PSMB5: variants seen among roughly 807,000 people sequenced by gnomAD.
The protein encoded by PSMB5 is proteasome subunit beta type-5.
PSMB5 carries 2 observed loss-of-function variants against 22.8 expected under a neutral mutation model. The ratio of observed to expected loss-of-function variants is 0.09; its 90% CI spans 0.04 to 0.28. The LOEUF is 0.28. PSMB5 is among the 10% of genes least tolerant of loss of function. The pLI is 1.00. For missense variants in PSMB5, 269 were observed against 343.8 expected (o/e 0.78, Z 1.72); for synonymous variants, 133 against 135.3 (o/e 0.98, Z 0.12).
At chr14:23,035,046 C>A (rs186565787), upstream of PSMB5, 12 of 1,349,296 alleles carry the variant, frequency 8.9e-6, no homozygotes, top group African/African-American at 1.6e-4. Context: ...TGCGAAAGAC[C>A]ATTTTCACTG....
intron 2 of PSMB5, among the ~76,000 whole-genome samples, chr14:23,030,489 A>G (rs1037146924): frequency 6.6e-6 from 1 of 151,722 alleles, no homozygotes; most frequent in African/African-American, 2.4e-5. Flanking sequence ...ACTCCGTCTC[A>G]ATAAAAAAAA....
intron 2 of PSMB5, among the ~76,000 whole-genome samples, chr14:23,033,138 C>G (rs759745317): frequency 6.6e-6 from 1 of 150,586 alleles, no homozygotes; most frequent in Non-Finnish European, 1.5e-5. Context: ...AATTCCTGAA[C>G]CTGGGGGCGG....
intron 2 of PSMB5, among the ~76,000 whole-genome samples, chr14:23,032,349 C>T (rs549319849): frequency 6.6e-6 from 1 of 152,224 alleles, no homozygotes; most frequent in South Asian, 2.1e-4. Context: ...GAGACTGCGG[C>T]AGGAGAATCA....
upstream of PSMB5, chr14:23,034,916 C>T (rs1432369991): frequency 1.9e-6 from 3 of 1,597,552 alleles, no homozygotes; most frequent in Admixed American, 1.7e-5. Flanking sequence ...ATTCTGAGAA[C>T]GCCTAGCAAA....
intron 2 of PSMB5, among the ~76,000 whole-genome samples, chr14:23,030,743 A>G (rs1277888151): frequency 6.6e-6 from 1 of 152,056 alleles, no homozygotes; most frequent in African/African-American, 2.4e-5. Context: ...CCTGGCCAAC[A>G]TGGTGAAACC....
chr14:23,033,807 ATACTT>A, intron 1 of PSMB5, 133 bp from the exon 2 acceptor site: 1 of 732,218 alleles, frequency 1.4e-6, no homozygotes, highest in Non-Finnish European at 2.2e-6. Context: ...GTATACTTCT[ATACTT>A]CACCATATAT....
rs554238310 is a variant in PSMB5, at chr14:23,027,584, G to C, written c.506-1209C>G. Among the ~76,000 whole-genome samples, 153 of 150,598 alleles carry C rather than the reference G, an allele frequency of 1.0e-3. 1 individual carries two copies. The highest frequency in any genetic ancestry group is 3.6e-3 in the African/African-American group (149 of 41,172). On this transcript the variant is annotated intron_variant, in intron 2 of 2. Transcript: ENST00000361611. ...GATTGTTTGAGCTCAGGACTTGCAG[G>C]CTGCAGTAAGCTATAATCACACCAC... is the stretch of plus-strand genomic sequence containing the variant.
In PSMB5 at chr14:23,025,962, G is replaced by T. The variant is rs2046909049; in HGVS notation, c.*127C>A. ...AACACATAGAGGTCAATGTGCCAGA[G>T]CTTAAAAAAAAGTACTGATACAATT... On this transcript the variant is annotated 3_prime_UTR_variant, in exon 3 of 3. Coordinates refer to ENST00000361611, the MANE Select transcript of PSMB5 (RefSeq NM_002797.5). The T allele has an allele frequency of 2.6e-6, 4 of 1,514,776 alleles. No homozygotes were observed. Among genetic ancestry groups the T allele is most frequent in the Non-Finnish European group, 2.6e-6 (3 of 1,134,966 alleles). The allele number at this position is 1,514,776 out of a possible 1,614,324, so 93.8% of individuals were successfully genotyped here. A position where few individuals can be genotyped will look rare whatever the true frequency, so the allele number is the denominator to read the frequency against.
Position 23,032,510 on chromosome 14 carries a change from T to TA in PSMB5, c.505+857dup, listed in dbSNP as rs769993603. ...TAACTTTTGAGGGACAACCATATAT[T>TA]AGAGTCCAATACAGTAGCCACAAGC... is the stretch of plus-strand genomic sequence containing the variant. On this transcript the variant is annotated intron_variant, in intron 2 of 2. Transcript: ENST00000361611. Among the ~76,000 whole-genome samples the TA allele has an allele frequency of 5.1e-4, 77 of 152,044 alleles. 1 individual carries two copies. In the Middle Eastern group the frequency reaches 0.014, roughly 27 times the overall value.
At chr14:23,034,488 C>T in intron 1 of PSMB5, 196 bp downstream of exon 1, 1 of 651,056 alleles carries the variant, frequency 1.5e-6, no homozygotes, top group African/African-American at 1.8e-5. Flanking sequence ...CCGGCCCCAC[C>T]GCCACCCTTT....
chr14:23,027,816 C>G, intron 2 of PSMB5: 1 of 1,546,404 alleles, frequency 6.5e-7, no homozygotes, highest in Non-Finnish European at 8.7e-7. Flanking sequence ...GTTTCAAGCA[C>G]AGAACTTCAG....
Position 23,034,545 on chromosome 14 carries a change from A to AG in PSMB5, c.198+138_198+139insC, listed in dbSNP as rs1200004739. 3 of 1,016,024 alleles carry AG rather than the reference A, an allele frequency of 3.0e-6. No individual in the cohort carries two copies. In the African/African-American group the frequency reaches 4.9e-5, roughly 16 times the overall value. 62.9% of individuals were successfully genotyped at this position (1,016,024 alleles called of 1,614,324 possible). ...GCCTCCTGGGCCAATGAGACAGCAAAACTGCTGCGGTCCGAACGAGAGGAC... is the reference window on the plus strand; with the variant it reads ...GCCTCCTGGGCCAATGAGACAGCAAAGACTGCTGCGGTCCGAACGAGAGGAC... On this transcript the variant is annotated intron_variant, in intron 1 of 2. Transcript: ENST00000361611.
chr14:23,028,131 G>A (rs2046929513), intron 2 of PSMB5, among the ~76,000 whole-genome samples: 1 of 144,776 alleles, frequency 6.9e-6, no homozygotes, highest in Admixed American at 6.7e-5. Context: ...CAACAAGAGT[G>A]AAACTCTGTC....
intron 2 of PSMB5, among the ~76,000 whole-genome samples, chr14:23,032,630 G>C (rs1243405105): frequency 6.7e-6 from 1 of 150,084 alleles, no homozygotes; most frequent in Non-Finnish European, 1.5e-5. Flanking sequence ...ACAGAGTCTC[G>C]CTCTGTTGCC....
At chr14:23,028,172 C>T (rs2046929896) in intron 2 of PSMB5, among the ~76,000 whole-genome samples, 1 of 151,844 alleles carries the variant, frequency 6.6e-6, no homozygotes, top group African/African-American at 2.4e-5. Flanking sequence ...ACATAATCCC[C>T]ACTCCCCCAT....
chr14:23,029,499 C>T (rs141605577), intron 2 of PSMB5, among the ~76,000 whole-genome samples: 1 of 152,310 alleles, frequency 6.6e-6, no homozygotes, highest in East Asian at 1.9e-4. Context: ...GTAATCTCTT[C>T]CTCCTCAAAA....
At chr14:23,029,910 T>C (rs1045128931) in intron 2 of PSMB5, among the ~76,000 whole-genome samples, 2 of 152,112 alleles carry the variant, frequency 1.3e-5, no homozygotes, top group South Asian at 2.1e-4. Context: ...GCCTCCCAAG[T>C]AGCTGGGACT....
rs1456481786 is a variant in PSMB5 at position 23,026,148 on chromosome 14, G to C, written c.733C>G (p.Arg245Gly). Residue 245 changes from arginine to glycine, a missense_variant, in exon 3 of 3, where the codon CGA becomes GGA. By Grantham distance (125) the Arg-to-Gly change is moderately radical. Transcript: ENST00000361611. ...LYHVREDGWI[R>G]VSSDNVADLH... ...TCAGCCACATTGTCACTGGAGACTCGGATCCAGCCATCCTCCCGCACGTGG... is the reference window on the plus strand; with the variant it reads ...TCAGCCACATTGTCACTGGAGACTCCGATCCAGCCATCCTCCCGCACGTGG... The C allele has an allele frequency of 6.2e-7, 1 of 1,614,068 alleles. No individual in the cohort carries two copies. The highest frequency in any genetic ancestry group is 2.2e-5 in the East Asian group (1 of 44,870).
chr14:23,026,849 G>A (rs2046917889), intron 2 of PSMB5, among the ~76,000 whole-genome samples: 3 of 149,956 alleles, frequency 2.0e-5, no homozygotes, highest in African/African-American at 7.4e-5. Context: ...TTGGGAGGCT[G>A]AGGTGGGCAG....
Sources: allele counts gnomAD v4.1 joint callset (sites outside exome capture counted in the v4.1 genomes callset), GRCh38; gene constraint gnomAD v4.1.1; transcripts MANE v1.5; gene names NCBI Gene and HGNC (gene_info 2026-07-23, HGNC 2026-07-21).